The following IRGM variants were observed in gnomAD, a reference collection of about 807,000 sequenced individuals.
IRGM encodes immunity-related GTPase family M protein.
For missense variants in IRGM, 288 were observed against 219.9 expected, an observed-to-expected ratio of 1.31 and a Z score of -1.96; for synonymous variants, 98 against 80.6, an observed-to-expected ratio of 1.22 and a Z score of -1.16.
At chr5:150,855,528 A>G (rs1290184712) in intron 1 of IRGM, among the ~76,000 whole-genome samples, 1 of 152,186 alleles carries the variant, frequency 6.6e-6, no homozygotes, top group Non-Finnish European at 1.5e-5. Flanking sequence ...AAGTGATCAG[A>G]TTAGGAAGAA....
At chr5:150,884,109 G>A (rs1220611365) in intron 3 of IRGM, among the ~76,000 whole-genome samples, 1 of 151,694 alleles carries the variant, frequency 6.6e-6, no homozygotes, top group Non-Finnish European at 1.5e-5. Context: ...AATCTATAAT[G>A]TGATATATCA....
rs188971544 is a variant in IRGM, at chr5:150,859,072, G to A, written c.158+10418G>A. ...GATATTGGTTGTGGATTTGTCATAG[G>A]TAGCTGTTATTATTTTGAGATACGT... On this transcript the variant is annotated intron_variant and NMD_transcript_variant, in intron 1 of 3. Transcript: ENST00000520549. Among the ~76,000 whole-genome samples the A allele has an allele frequency of 9.3e-4, 141 of 152,174 alleles. 1 individual carries two copies. The highest frequency in any genetic ancestry group is 3.2e-3 in the African/African-American group (134 of 41,528).
At chr5:150,850,569 C>A (rs1189259749), downstream of IRGM, among the ~76,000 whole-genome samples, 1 of 151,940 alleles carries the variant, frequency 6.6e-6, no homozygotes, top group African/African-American at 2.4e-5. Context: ...ATTATGTACC[C>A]CCCTTTTTTG....
chr5:150,878,022 C>A (rs1449021096), exon 2 of IRGM: 1 of 458,382 alleles, frequency 2.2e-6, no homozygotes, highest in Non-Finnish European at 4.4e-6. Context: ...CAGCCACGTA[C>A]CTCTTGCTTG....
intron 3 of IRGM, chr5:150,897,975 G>A (rs1348392914): frequency 2.0e-6 from 3 of 1,495,282 alleles, no homozygotes; most frequent in African/African-American, 1.4e-5. Flanking sequence ...CAGCATAGAA[G>A]CAAAGAATAG....
chr5:150,869,142 C>T (rs1460312945), intron 1 of IRGM, among the ~76,000 whole-genome samples: 1 of 152,038 alleles, frequency 6.6e-6, no homozygotes, highest in African/African-American at 2.4e-5. Context: ...GCTTTTATTA[C>T]CTTAAGGTAT....
intron 3 of IRGM, among the ~76,000 whole-genome samples, chr5:150,900,279 G>A (rs1251274407): frequency 1.3e-5 from 2 of 151,876 alleles, no homozygotes; most frequent in Non-Finnish European, 2.9e-5. Flanking sequence ...AACCTTAGTC[G>A]ACCTTTCCAT....
At chr5:150,898,229 G>T in intron 3 of IRGM, 1 of 1,607,388 alleles carries the variant, frequency 6.2e-7, no homozygotes, top group South Asian at 1.1e-5. Flanking sequence ...CTGCACTGAA[G>T]GAAAAAGAGA....
chr5:150,872,593 G>A (rs1227358686), intron 1 of IRGM, among the ~76,000 whole-genome samples: 3 of 152,144 alleles, frequency 2.0e-5, no homozygotes, highest in African/African-American at 7.2e-5. Context: ...TAAAGGTGTG[G>A]GATAATGTTG....
intron 1 of IRGM, among the ~76,000 whole-genome samples, chr5:150,876,603 C>CAGG (rs1188143679): frequency 2.6e-5 from 4 of 152,150 alleles, no homozygotes; most frequent in Non-Finnish European, 2.9e-5. Flanking sequence ...GTGTGGAATA[C>CAGG]AGGAGTTAGG....
chr5:150,890,410 G>T (rs1483730964), intron 3 of IRGM, among the ~76,000 whole-genome samples: 1 of 149,594 alleles, frequency 6.7e-6, no homozygotes, highest in African/African-American at 2.5e-5. Context: ...CTTTTTTCCT[G>T]AGTCTGACAT....
chr5:150,888,699 G>T (rs916379924), intron 3 of IRGM, among the ~76,000 whole-genome samples: 8 of 151,848 alleles, frequency 5.3e-5, no homozygotes, highest in Non-Finnish European at 1.2e-4. Flanking sequence ...ATGACTATGG[G>T]GTAAATAATG....
intron 1 of IRGM, among the ~76,000 whole-genome samples, chr5:150,873,434 A>G (rs1038407700): frequency 6.6e-6 from 1 of 152,168 alleles, no homozygotes; most frequent in African/African-American, 2.4e-5. Flanking sequence ...TCTTTCTCCC[A>G]TCCTTCCCCA....
chr5:150,881,130 A>G (rs1234138378), intron 3 of IRGM, among the ~76,000 whole-genome samples: 1 of 98,776 alleles, frequency 1.0e-5, no homozygotes, highest in East Asian at 5.9e-4. Context: ...TCCATATCAA[A>G]AAAAAAAAAA....
At chr5:150,882,657 T>G (rs1754462593) in intron 3 of IRGM, among the ~76,000 whole-genome samples, 1 of 152,138 alleles carries the variant, frequency 6.6e-6, no homozygotes, top group African/African-American at 2.4e-5. Context: ...AATCAATTCA[T>G]CAAGAAGATA....
chr5:150,893,103 T>C (rs1204722382), intron 3 of IRGM, among the ~76,000 whole-genome samples: 2 of 152,158 alleles, frequency 1.3e-5, no homozygotes, highest in African/African-American at 4.8e-5. Context: ...ATTATAGGTT[T>C]AGGCAGAGTA....
At chr5:150,894,350 G>A (rs902529068) in intron 3 of IRGM, 6 of 152,134 alleles carry the variant, frequency 3.9e-5, no homozygotes, top group African/African-American at 1.4e-4. Flanking sequence ...AAACAGTTGG[G>A]GCTTCAGGGA....
In IRGM at chr5:150,898,040, CAT is replaced by C. The variant is rs763557828; in HGVS notation, c.*141-2547_*141-2546del. 8.7e-6 allele frequency: 14 copies of C among 1,602,900 alleles called. No individual in the cohort carries two copies. The Middle Eastern group carries it at 6.7e-4, about 77-fold the overall frequency. On this transcript the variant is annotated intron_variant and NMD_transcript_variant, in intron 3 of 3. Coordinates refer to the IRGM transcript ENST00000520549. ...CTCAGGCACCAATCAATTAAAAAAACATAAATTGATATTTCACTTCCCTTGTC... is the reference window on the plus strand; with the variant it reads ...CTCAGGCACCAATCAATTAAAAAAACAAATTGATATTTCACTTCCCTTGTC...
chr5:150,861,473 G>A (rs1754135032), intron 1 of IRGM, among the ~76,000 whole-genome samples: 1 of 152,096 alleles, frequency 6.6e-6, no homozygotes, highest in African/African-American at 2.4e-5. Flanking sequence ...CAAGAGGAGG[G>A]GACTAAATGA....
Sources: allele counts gnomAD v4.1 joint callset (sites outside exome capture counted in the v4.1 genomes callset), GRCh38; gene constraint gnomAD v4.1.1; transcripts MANE v1.5; gene names NCBI Gene and HGNC (gene_info 2026-07-23, HGNC 2026-07-21).